GPR158: variants seen among roughly 807,000 people sequenced by gnomAD.
GPR158 encodes the protein metabotropic glycine receptor.
GPR158 carries 30 observed loss-of-function variants against 78.2 expected under a neutral mutation model. The observed-to-expected ratio is 0.38, with a 90% CI of 0.29 to 0.52. The LOEUF (loss-of-function observed/expected upper bound fraction) is 0.52, where lower values mean the gene tolerates loss of function less well. Among genes scored for constraint, GPR158 ranks in the 20% least tolerant of loss-of-function variants. The pLI is 0.83. For missense variants in GPR158, 1,463 were observed against 1,523.5 expected (o/e 0.96, Z 0.66); for synonymous variants, 581 against 591.1 (o/e 0.98, Z 0.25).
chr10:25,210,358 G>C (rs1853110794), intron 1 of GPR158, among the ~76,000 whole-genome samples: 2 of 152,260 alleles, frequency 1.3e-5, no homozygotes, highest in Middle Eastern at 3.4e-3. Flanking sequence ...TTGTGAATGA[G>C]TGAGGATTTC....
chr10:25,421,832 AC>A (rs1834755817), intron 4 of GPR158, among the ~76,000 whole-genome samples: 1 of 152,126 alleles, frequency 6.6e-6, no homozygotes, highest in South Asian at 2.1e-4. Context: ...ATCAAGAGTT[AC>A]TTGCCATCAA....
intron 4 of GPR158, among the ~76,000 whole-genome samples, chr10:25,426,168 G>T (rs541533614): frequency 6.6e-6 from 1 of 152,006 alleles, no homozygotes; most frequent in African/African-American, 2.4e-5. Flanking sequence ...AGCCTTCATC[G>T]AATTGAAGGG....
rs1223523017 is a variant in GPR158 at position 25,600,813 on chromosome 10, T to G, written c.*1539T>G. The G allele has an allele frequency of 6.6e-6, 1 of 152,246 alleles. No individual in the cohort carries two copies. The highest frequency in any genetic ancestry group is 1.9e-4 in the East Asian group (1 of 5,186). 9.4% of individuals were successfully genotyped at this position (152,246 alleles called of 1,614,324 possible). A position where few individuals can be genotyped will look rare whatever the true frequency, so the allele number is the denominator to read the frequency against. On this transcript the variant is annotated 3_prime_UTR_variant, in exon 11 of 11. Coordinates refer to ENST00000376351, the MANE Select transcript of GPR158 (RefSeq NM_020752.3). ...GCAAAGCAGCCCCCAAAGCATATTT[T>G]ATAAAGCTTATTGCATTCCACACTG...
chr10:25,194,493 C>T (rs967924345), intron 1 of GPR158, among the ~76,000 whole-genome samples: 2 of 151,792 alleles, frequency 1.3e-5, no homozygotes, highest in African/African-American at 2.4e-5. Context: ...GAGCCAAGAT[C>T]GCACCACAGC....
intron 2 of GPR158, among the ~76,000 whole-genome samples, chr10:25,259,020 T>A (rs11014474): frequency 0.073 from 11,100 of 152,222 alleles, 621 homozygotes; most frequent in East Asian, 0.26. Flanking sequence ...CATCATGAAA[T>A]TCTTTTTGAT....
intron 2 of GPR158, among the ~76,000 whole-genome samples, chr10:25,372,452 C>G (rs7089595): frequency 0.15 from 21,475 of 142,156 alleles, 1,906 homozygotes; most frequent in African/African-American, 0.24. Flanking sequence ...AGACTTGGAA[C>G]CAACCCAAAT....
At chr10:25,283,797 A>G (rs1035362767) in intron 2 of GPR158, among the ~76,000 whole-genome samples, 3 of 152,148 alleles carry the variant, frequency 2.0e-5, no homozygotes, top group African/African-American at 7.2e-5. Flanking sequence ...CAATTTTGAT[A>G]TATTGTATTT....
intron 1 of GPR158, among the ~76,000 whole-genome samples, chr10:25,220,325 G>A (rs951507474): frequency 2.0e-5 from 3 of 152,190 alleles, no homozygotes; most frequent in African/African-American, 7.2e-5. Flanking sequence ...GAGAGAGAAA[G>A]TTGGCTGGAG....
At chr10:25,461,862 GC>G (rs1835362240) in intron 4 of GPR158, among the ~76,000 whole-genome samples, 1 of 151,588 alleles carries the variant, frequency 6.6e-6, no homozygotes, top group African/African-American at 2.4e-5. Context: ...CTCCCGAGTA[GC>G]TAGGACTACA....
chr10:25,487,387 A>T (rs942416695), intron 5 of GPR158, among the ~76,000 whole-genome samples: 3 of 152,170 alleles, frequency 2.0e-5, no homozygotes, highest in African/African-American at 7.2e-5. Flanking sequence ...AAAATTAGGA[A>T]AATTCACATA....
chr10:25,488,176 G>A (rs1045803149), intron 5 of GPR158, among the ~76,000 whole-genome samples: 3 of 152,040 alleles, frequency 2.0e-5, no homozygotes, highest in East Asian at 1.9e-4. Flanking sequence ...TCCCTCTACC[G>A]TGTCCAACCA....
intron 2 of GPR158, among the ~76,000 whole-genome samples, chr10:25,290,274 A>G (rs992857091): frequency 3.3e-5 from 5 of 152,178 alleles, no homozygotes; most frequent in Non-Finnish European, 7.4e-5. Context: ...TTTTTTTCAC[A>G]TGATATAAAT....
At chr10:25,584,920 A>G (rs1036429951) in intron 7 of GPR158, among the ~76,000 whole-genome samples, 1 of 152,226 alleles carries the variant, frequency 6.6e-6, no homozygotes, top group Non-Finnish European at 1.5e-5. Flanking sequence ...TTCAACTTTT[A>G]TAGGCTGGAG....
In GPR158 at chr10:25,581,642, T is replaced by G. The variant is rs144163500; in HGVS notation, c.1754-7365T>G. On this transcript the variant is annotated intron_variant, in intron 7 of 10. Transcript: ENST00000376351. ...ATAAATAAATAACCTCCCACAGCAGTCTTCGTGGTAGCCTGCCAGCTAGCA... is the reference window on the plus strand; with the variant it reads ...ATAAATAAATAACCTCCCACAGCAGGCTTCGTGGTAGCCTGCCAGCTAGCA... Among the ~76,000 whole-genome samples the G allele has an allele frequency of 7.9e-5, 12 of 152,276 alleles. No homozygotes were observed. In the East Asian group the frequency reaches 2.3e-3, roughly 29 times the overall value.
At chr10:25,502,405 A>G (rs750123646) in intron 5 of GPR158, among the ~76,000 whole-genome samples, 4 of 152,158 alleles carry the variant, frequency 2.6e-5, no homozygotes, top group Non-Finnish European at 4.4e-5. Context: ...GTGGGGTACA[A>G]CCAAAACCCT....
chr10:25,425,337 C>T (rs1192872950), intron 4 of GPR158, among the ~76,000 whole-genome samples: 1 of 151,910 alleles, frequency 6.6e-6, no homozygotes, highest in Non-Finnish European at 1.5e-5. Flanking sequence ...ACATCCATGC[C>T]AATGTCTATT....
chr10:25,425,712 CAA>C (rs1235671158), intron 4 of GPR158, among the ~76,000 whole-genome samples: 1 of 151,298 alleles, frequency 6.6e-6, no homozygotes, highest in Admixed American at 6.6e-5. Flanking sequence ...ACAAAACAAA[CAA>C]TCCCATTTTA....
intron 5 of GPR158, among the ~76,000 whole-genome samples, chr10:25,534,788 TAGAC>T (rs747022317): frequency 3.6e-3 from 551 of 152,046 alleles, no homozygotes; most frequent in Admixed American, 4.9e-3. Flanking sequence ...GATAGACAGA[TAGAC>T]AGACAGACAG....
At chr10:25,573,887 G>C (rs1837049042) in intron 7 of GPR158, among the ~76,000 whole-genome samples, 1 of 151,996 alleles carries the variant, frequency 6.6e-6, no homozygotes, top group African/African-American at 2.4e-5. Flanking sequence ...TGAAGCATAT[G>C]GGTATGTAAA....
Sources: allele counts gnomAD v4.1 joint callset (sites outside exome capture counted in the v4.1 genomes callset), GRCh38; gene constraint gnomAD v4.1.1; transcripts MANE v1.5; gene names NCBI Gene and HGNC (gene_info 2026-07-23, HGNC 2026-07-21).